The following VEGFB variants were observed in gnomAD, a reference collection of about 807,000 sequenced individuals.
VEGFB encodes vascular endothelial growth factor B, also known as VEGF-related factor.
In VEGFB, 24 loss-of-function variants were observed where a neutral mutation model predicts 22.5. The ratio of observed to expected loss-of-function variants is 1.07; its 90% CI spans 0.77 to 1.50. The LOEUF is 1.50. Ranked by LOEUF, VEGFB falls within the 40% of genes most tolerant of loss-of-function variation. VEGFB has a pLI of 0.00. For missense variants in VEGFB, 327 were observed against 287.8 expected (o/e 1.14, Z -0.99); for synonymous variants, 141 against 117.4 (o/e 1.20, Z -1.30).
chr11:64,236,222 C>G, intron 3 of VEGFB, 32 bp from the exon 4 acceptor site: 1 of 1,610,744 alleles, frequency 6.2e-7, no homozygotes, highest in Non-Finnish European at 8.5e-7. Flanking sequence ...CTCTCTCCCT[C>G]ACTGTCCCCC....
rs181584898 is a variant in VEGFB at position 64,237,573 on chromosome 11, C to T, written c.564C>T (p.Pro188=). The change falls in exon 6 of 7, where the codon CCC becomes CCT. Residue 188 remains proline, a synonymous_variant. Transcript: ENST00000309422. ...CCAGCACCACCAGCGCCCTGACCCC[C>T]GGACCTGCCGCTGCCGCTGCCGACG... The part of the protein sequence containing the change: ...AAPSTTSALT[P]GPAAAAADAA... The T allele has an allele frequency of 3.0e-4, 483 of 1,596,560 alleles. 1 individual carries two copies. The African/African-American group carries it at 5.9e-3, about 19-fold the overall frequency.
chr11:64,238,605 G>T lies in VEGFB; in HGVS notation c.*272G>T. The T allele has an allele frequency of 1.7e-6, 1 of 603,624 alleles. No individual in the cohort carries two copies. The highest frequency in any genetic ancestry group is 2.9e-6 in the Non-Finnish European group (1 of 340,500). 37.4% of individuals were successfully genotyped at this position (603,624 alleles called of 1,614,324 possible). On this transcript the variant is annotated 3_prime_UTR_variant, in exon 7 of 7. Transcript: ENST00000309422. ...AGAGGAGACTGGGAGGCAGCAAGAG[G>T]GGTCACATACCAGCTCAGGGGAGAA...
Position 64,235,860 on chromosome 11 carries a change from G to A in VEGFB, c.151G>A (p.Glu51Lys), listed in dbSNP as rs2029966489. The A allele has an allele frequency of 6.2e-7, 1 of 1,613,892 alleles. No individual in the cohort carries two copies. Among genetic ancestry groups the A allele is most frequent in the Non-Finnish European group, 8.5e-7 (1 of 1,180,024 alleles). ...TACTCGCGCTACCTGCCAGCCCCGG[G>A]AGGTGGTGGTGCCCTTGACTGTGGA... ...VYTRATCQPR[E>K]VVVPLTVELM... Residue 51 changes from glutamate to lysine, a missense_variant, in exon 3 of 7, where the codon GAG (glutamate) becomes AAG (lysine). By Grantham distance (56) the Glu-to-Lys change is moderately conservative. Transcript: ENST00000309422.
chr11:64,236,453 C>T (rs374871435), intron 4 of VEGFB, 126 bp downstream of exon 4: 32 of 864,144 alleles, frequency 3.7e-5, no homozygotes, highest in African/African-American at 2.5e-4. Context: ...TGGTAGCTCA[C>T]GCCTGTAATC....
chr11:64,236,457 T>C lies in VEGFB; in HGVS notation c.374+130T>C, dbSNP rs550573376. 124 of 835,758 alleles carry C rather than the reference T, an allele frequency of 1.5e-4. No individual in the cohort carries two copies. In the East Asian group the frequency reaches 3.2e-3, roughly 22 times the overall value. 51.8% of individuals were successfully genotyped at this position (835,758 alleles called of 1,614,324 possible). A position where few individuals can be genotyped will look rare whatever the true frequency, so the allele number is the denominator to read the frequency against. On this transcript the variant is annotated intron_variant, in intron 4 of 6. Transcript: ENST00000309422. ...GGGGCCGGGCGTGGTAGCTCACGCCTGTAATCCCAGCACTTTGGGAGGCCG... is the reference window on the plus strand; with the variant it reads ...GGGGCCGGGCGTGGTAGCTCACGCCCGTAATCCCAGCACTTTGGGAGGCCG...
chr11:64,236,449 C>G, intron 4 of VEGFB, 122 bp downstream of exon 4: 1 of 919,392 alleles, frequency 1.1e-6, no homozygotes, highest in East Asian at 2.6e-5. Flanking sequence ...GGCGTGGTAG[C>G]TCACGCCTGT....
intron 5 of VEGFB, 36 bp from the exon 6 acceptor site, chr11:64,237,384 C>A: frequency 6.4e-7 from 1 of 1,551,428 alleles, no homozygotes; most frequent in Admixed American, 1.7e-5. Flanking sequence ...GAAGACTCTT[C>A]CTTCCCACCC....
rs1208509268 is a variant in VEGFB, at chr11:64,236,341, C to G, written c.374+14C>G. On this transcript the variant is annotated intron_variant, in intron 4 of 6. Transcript: ENST00000309422. ...GTGTGAATGCAGGTGCCAGCCAGGC[C>G]CAACTTCTGAGCTCGCAGAGGCCAG... 1 of 1,613,182 alleles carries G rather than the reference C, an allele frequency of 6.2e-7. No homozygotes were observed. Among genetic ancestry groups the G allele is most frequent in the African/African-American group, 1.3e-5 (1 of 74,888 alleles).
chr11:64,237,731 G>C, intron 6 of VEGFB, 76 bp downstream of exon 6: 1 of 1,328,728 alleles, frequency 7.5e-7, no homozygotes, highest in Non-Finnish European at 1.0e-6. Flanking sequence ...GGGTGAGCCT[G>C]CCAGTAGGAG....
rs59541656 is a variant in VEGFB at position 64,237,085 on chromosome 11, AAGAGAGAGAGAGAGAGAGAGAGAG to A, written c.375-87_375-64del. On this transcript the variant is annotated intron_variant, in intron 4 of 6. Transcript: ENST00000309422. ...GCAAGAAGAGGGAAACACAGTCTCAAAGAGAGAGAGAGAGAGAGAGAGAGAGAGAGAGAGAGAGTAGGATGCTGG... is the reference window on the plus strand; with the variant it reads ...GCAAGAAGAGGGAAACACAGTCTCAAAGAGAGAGAGAGAGTAGGATGCTGG... 2.5e-4 allele frequency: 153 copies of A among 604,446 alleles called. 19 individuals carry two copies. The highest frequency in any genetic ancestry group is 4.7e-4 in the Middle Eastern group (1 of 2,114). 37.4% of individuals were successfully genotyped at this position (604,446 alleles called of 1,614,324 possible).
chr11:64,236,517 C>T (rs1677049496), intron 4 of VEGFB, among the ~76,000 whole-genome samples, 190 bp downstream of exon 4: 1 of 144,928 alleles, frequency 6.9e-6, no homozygotes, highest in South Asian at 2.1e-4. Flanking sequence ...AGATCGAGAC[C>T]ATCCTGGCTA....
chr11:64,239,014 G>A lies in VEGFB; in HGVS notation c.*681G>A, dbSNP rs192020934. Among the ~76,000 whole-genome samples the A allele has an allele frequency of 6.6e-6, 1 of 152,334 alleles. No individual in the cohort carries two copies. The highest frequency in any genetic ancestry group is 1.9e-4 in the East Asian group (1 of 5,184). On this transcript the variant is annotated 3_prime_UTR_variant, in exon 7 of 7. Coordinates refer to ENST00000309422, the MANE Select transcript of VEGFB (RefSeq NM_003377.5). ...AGGGATAGCCCAGTCAATACAGACT[G>A]CCTGCCCTCCTGCTCTTCACCAGGG...
chr11:64,236,230 C>A (rs750372392), intron 3 of VEGFB, 24 bp from the exon 4 acceptor site: 3 of 1,612,600 alleles, frequency 1.9e-6, no homozygotes, highest in South Asian at 1.1e-5. Flanking sequence ...CTCACTGTCC[C>A]CCCTGTTCTT....
At chr11:64,237,123 G>GAGAGAGAGAGAGAGAGAAGAGAGA (rs1555056104) in intron 4 of VEGFB, 64 bp from the exon 5 acceptor site, 1 of 657,900 alleles carries the variant, frequency 1.5e-6, no homozygotes, top group African/African-American at 2.6e-5. Flanking sequence ...GAGAGAGAGA[G>GAGAGAGAGAGAGAGAGAAGAGAGA]TAGGATGCTG....
rs746173041 is a variant in VEGFB, at chr11:64,236,348, C to T, written c.374+21C>T. ...TGCAGGTGCCAGCCAGGCCCAACTT[C>T]TGAGCTCGCAGAGGCCAGGCTTGGG... On this transcript the variant is annotated intron_variant, in intron 4 of 6. Coordinates refer to ENST00000309422, the MANE Select transcript of VEGFB (RefSeq NM_003377.5). 6.8e-6 allele frequency: 11 copies of T among 1,612,668 alleles called. 1 individual carries two copies. In the South Asian group the frequency reaches 1.2e-4, roughly 18 times the overall value.
At position 64,237,672 on chromosome 11, in the gene VEGFB, G is replaced by T. The variant is rs773171610; in HGVS notation, c.*22+17G>T. ...CACCTGCAGGTGAGGCGTCTGTGGG[G>T]TGGTGTTTGTTTGGGAAGGCACCAA... is the stretch of plus-strand genomic sequence containing the variant. On this transcript the variant is annotated intron_variant, in intron 6 of 6. Coordinates refer to ENST00000309422, the MANE Select transcript of VEGFB (RefSeq NM_003377.5). 2.7e-5 allele frequency: 41 copies of T among 1,505,990 alleles called. No individual in the cohort carries two copies. The highest frequency in any genetic ancestry group is 3.1e-5 in the Non-Finnish European group (35 of 1,123,202). The allele number at this position is 1,505,990 out of a possible 1,614,324, so 93.3% of individuals were successfully genotyped here.
intron 4 of VEGFB, 26 bp downstream of exon 4, chr11:64,236,353 C>T: frequency 6.2e-7 from 1 of 1,610,720 alleles, no homozygotes; most frequent in Non-Finnish European, 8.5e-7. Flanking sequence ...AACTTCTGAG[C>T]TCGCAGAGGC....
intron 4 of VEGFB, 67 bp from the exon 5 acceptor site, chr11:64,237,120 A>AGAGAGAGAGAGAGAGAGAGAGT: frequency 1.0e-6 from 1 of 966,626 alleles, no homozygotes. Flanking sequence ...AGAGAGAGAG[A>AGAGAGAGAGAGAGAGAGAGAGT]GAGTAGGATG....
rs199893523 is a variant in VEGFB, at chr11:64,237,152, CTTGT to C, written c.375-30_375-27del. On this transcript the variant is annotated intron_variant, in intron 4 of 6. Coordinates refer to ENST00000309422, the MANE Select transcript of VEGFB (RefSeq NM_003377.5). ...GATGCTGGGATTTCCTGATCTTCCTCTTGTTTGTCTGTGTCTGTCTATCTTACTT... is the reference window on the plus strand; with the variant it reads ...GATGCTGGGATTTCCTGATCTTCCTCTTGTCTGTGTCTGTCTATCTTACTT... 3,689 of 1,526,424 alleles carry C rather than the reference CTTGT, an allele frequency of 2.4e-3. 265 individuals carry two copies. In the East Asian group the frequency reaches 0.072, roughly 30 times the overall value. 94.6% of individuals were successfully genotyped at this position (1,526,424 alleles called of 1,614,324 possible). A position where few individuals can be genotyped will look rare whatever the true frequency, so the allele number is the denominator to read the frequency against.
Sources: gnomAD v4.1 joint callset for allele counts (sites outside exome capture counted in the v4.1 genomes callset) on GRCh38, gnomAD v4.1.1 for gene constraint, MANE v1.5 for transcripts, NCBI Gene and HGNC (gene_info 2026-07-23, HGNC 2026-07-21) for gene names.